CEP63: variants seen among roughly 807,000 people sequenced by gnomAD.
CEP63 encodes centrosomal protein 63.
In CEP63, 84 loss-of-function variants were observed where a neutral mutation model predicts 89.1. The ratio of observed to expected loss-of-function variants is 0.94; its 90% CI spans 0.79 to 1.13. CEP63 has a LOEUF of 1.13. CEP63 is among the 50% of genes most tolerant of loss of function. CEP63 has a pLI of 0.00. For synonymous variants in CEP63, 267 were observed against 272.5 expected (o/e 0.98, Z 0.20); for missense variants, 838 against 813.3 (o/e 1.03, Z -0.37).
the CEP63 span, among the ~76,000 whole-genome samples, chr3:134,697,557 GAC>G: frequency 4.6e-5 from 7 of 152,184 alleles, no homozygotes; most frequent in Non-Finnish European, 8.8e-5. Context: ...ATTCCTATGA[GAC>G]ACAGTCTTCA....
At chr3:134,559,569 C>T in intron 14 of CEP63, 140 bp downstream of exon 14, 1 of 738,614 alleles carries the variant, frequency 1.4e-6, no homozygotes, top group Non-Finnish European at 2.2e-6. Flanking sequence ...TTAGGTATCC[C>T]TGTCATACAG....
intron 12 of CEP63, among the ~76,000 whole-genome samples, chr3:134,554,473 C>T: frequency 6.9e-6 from 1 of 145,762 alleles, no homozygotes; most frequent in Admixed American, 6.9e-5. Context: ...TTTCTTAACC[C>T]AGTCTATCAT....
the CEP63 span, among the ~76,000 whole-genome samples, chr3:134,687,228 T>C: frequency 6.6e-6 from 1 of 152,206 alleles, no homozygotes; most frequent in Non-Finnish European, 1.5e-5. Context: ...TCAATACACA[T>C]TAGAACACAC....
the CEP63 span, among the ~76,000 whole-genome samples, chr3:134,753,589 T>A: frequency 3.4e-4 from 52 of 152,112 alleles, no homozygotes; most frequent in African/African-American, 1.3e-3. Flanking sequence ...ATTTCCAGAG[T>A]CTTTGCTCCC....
chr3:134,714,172 T>A, the CEP63 span, among the ~76,000 whole-genome samples: 2 of 152,216 alleles, frequency 1.3e-5, no homozygotes, highest in Non-Finnish European at 2.9e-5. Context: ...AACTTGTGCA[T>A]GGAAATTGGC....
At chr3:134,514,393 A>G (rs985685615) in intron 3 of CEP63, among the ~76,000 whole-genome samples, 2 of 152,194 alleles carry the variant, frequency 1.3e-5, no homozygotes, top group Admixed American at 1.3e-4. Context: ...AAAAAATGAG[A>G]ATGGGCACAA....
At chr3:134,577,255 A>G (rs1227758417), downstream of CEP63, among the ~76,000 whole-genome samples, 2 of 151,964 alleles carry the variant, frequency 1.3e-5, no homozygotes, top group African/African-American at 4.8e-5. Flanking sequence ...CTTCTAGGAA[A>G]AAAAAAATAG....
chr3:134,777,723 C>G, the CEP63 span, among the ~76,000 whole-genome samples: 2 of 148,570 alleles, frequency 1.3e-5, no homozygotes, highest in Non-Finnish European at 3.0e-5. Context: ...AAGCAATTCT[C>G]CTGCCTCAGC....
At chr3:134,689,652 CA>C in the CEP63 span, among the ~76,000 whole-genome samples, 1 of 151,982 alleles carries the variant, frequency 6.6e-6, no homozygotes, top group East Asian at 1.9e-4. Flanking sequence ...CAGGGTTTTG[CA>C]ATGTTGGTTA....
chr3:134,598,466 C>A, the CEP63 span, among the ~76,000 whole-genome samples: 2 of 152,200 alleles, frequency 1.3e-5, no homozygotes, highest in Non-Finnish European at 2.9e-5. Context: ...TCTTGGAAAC[C>A]TTGTCTTAAC....
the CEP63 span, among the ~76,000 whole-genome samples, chr3:134,692,359 G>T: frequency 6.7e-6 from 1 of 150,242 alleles, no homozygotes; most frequent in South Asian, 2.1e-4. Context: ...AACATGCGGT[G>T]TTTGTTTTTT....
At chr3:134,575,243 CT>C (rs1958178673), downstream of CEP63, among the ~76,000 whole-genome samples, 1 of 103,500 alleles carries the variant, frequency 9.7e-6, no homozygotes, top group Non-Finnish European at 1.9e-5. Flanking sequence ...CCCTTCCTTC[CT>C]TCCTTCCTTC....
the CEP63 span, among the ~76,000 whole-genome samples, chr3:134,669,671 T>C: frequency 6.6e-6 from 1 of 152,230 alleles, no homozygotes; most frequent in Admixed American, 6.5e-5. Flanking sequence ...ATTTCAGTGA[T>C]GACAAAGCTC....
At chr3:134,684,181 A>G in the CEP63 span, among the ~76,000 whole-genome samples, 1 of 152,198 alleles carries the variant, frequency 6.6e-6, no homozygotes, top group Non-Finnish European at 1.5e-5. Flanking sequence ...AGTTGAGAAC[A>G]TCTTTTGGGT....
At chr3:134,547,607 C>CTTAT in intron 9 of CEP63, 135 bp downstream of exon 9, 4 of 244,262 alleles carry the variant, frequency 1.6e-5, no homozygotes, top group Non-Finnish European at 2.7e-5. Context: ...GGCCTAAGTT[C>CTTAT]TTATTTCTTT....
At chr3:134,748,582 C>T in the CEP63 span, among the ~76,000 whole-genome samples, 1 of 152,128 alleles carries the variant, frequency 6.6e-6, no homozygotes, top group African/African-American at 2.4e-5. Flanking sequence ...AGTGAGCTTG[C>T]TATGAGACCT....
intron 10 of CEP63, among the ~76,000 whole-genome samples, chr3:134,582,707 C>T (rs1167187970): frequency 6.6e-6 from 1 of 152,094 alleles, no homozygotes; most frequent in Non-Finnish European, 1.5e-5. Flanking sequence ...AATGGGATTG[C>T]TGGGTCAAAT....
At chr3:134,647,959 C>T in the CEP63 span, among the ~76,000 whole-genome samples, 15 of 152,328 alleles carry the variant, frequency 9.8e-5, no homozygotes, top group East Asian at 2.3e-3. Flanking sequence ...CTCTTGGCCT[C>T]CCTTGCAGCT....
At chr3:134,678,470 C>T in the CEP63 span, among the ~76,000 whole-genome samples, 2 of 152,150 alleles carry the variant, frequency 1.3e-5, no homozygotes, top group African/African-American at 4.8e-5. Flanking sequence ...TGTGCATGTT[C>T]CTGGTGCCTA....
Sources: gnomAD v4.1 joint callset for allele counts (sites outside exome capture counted in the v4.1 genomes callset) on GRCh38, gnomAD v4.1.1 for gene constraint, MANE v1.5 for transcripts, NCBI Gene and HGNC (gene_info 2026-07-23, HGNC 2026-07-21) for gene names.